Variants in CD33 observed in about 807,000 individuals in gnomAD.
CD33 encodes myeloid cell surface antigen CD33.
Under a neutral mutation model 31.4 loss-of-function variants are expected in CD33, and 25 were observed. The ratio of observed to expected loss-of-function variants is 0.80; its 90% CI spans 0.58 to 1.11. The LOEUF is 1.11. CD33 is among the 50% of genes most tolerant of loss of function. The probability of loss-of-function intolerance (pLI) is 0.00; values close to 1 mark genes in which losing one functional copy is unlikely to be tolerated. For synonymous variants in CD33, 176 were observed against 180.6 expected (o/e 0.97, Z 0.20); for missense variants, 407 against 448.1 (o/e 0.91, Z 0.83).
the CD33 span, among the ~76,000 whole-genome samples, chr19:51,217,148 C>A: frequency 6.6e-6 from 1 of 152,106 alleles, no homozygotes. Flanking sequence ...CAGGCCTGAG[C>A]GGGTCAAGGC....
intron 4 of CD33, 75 bp from the exon 5 acceptor site, chr19:51,235,082 C>A (rs1981679614): frequency 4.8e-6 from 6 of 1,250,542 alleles, no homozygotes. Context: ...TCACCCCTCT[C>A]TACATGCTGG....
At chr19:51,226,552 G>A (rs1255659046) in intron 4 of CD33, among the ~76,000 whole-genome samples, 196 bp downstream of exon 4, 1 of 152,112 alleles carries the variant, frequency 6.6e-6, no homozygotes, top group Non-Finnish European at 1.5e-5. Flanking sequence ...AATGCTCTTT[G>A]TCTCCCTCCT....
the CD33 span, among the ~76,000 whole-genome samples, chr19:51,218,982 G>C: frequency 6.6e-6 from 1 of 152,032 alleles, no homozygotes; most frequent in Non-Finnish European, 1.5e-5. Flanking sequence ...TGTTCTTTTT[G>C]CTTAGGACTG....
At chr19:51,236,686 A>G (rs1981828199) in intron 6 of CD33, 1 of 151,918 alleles carries the variant, frequency 6.6e-6, no homozygotes, top group African/African-American at 2.4e-5. Context: ...CGCTGATGGC[A>G]CTCTTGTCCC....
At chr19:51,212,127 G>A in the CD33 span, 4 of 550,944 alleles carry the variant, frequency 7.3e-6, no homozygotes, top group Admixed American at 2.5e-5. Context: ...GGAGGACCAG[G>A]AGAGAGGAGG....
rs778326883 is a variant in CD33, at chr19:51,235,142, CTT to C, written c.746-10_746-9del. On this transcript the variant is annotated splice_polypyrimidine_tract_variant and intron_variant, in intron 4 of 6. Coordinates refer to ENST00000262262, the MANE Select transcript of CD33 (RefSeq NM_001772.4). ...ATCTAGATTAGAATTCACCCCAAAT[CTT>C]TTTTGTCTGCAGGGAAACAAGAGAC... 1 of 1,608,228 alleles carries C rather than the reference CTT, an allele frequency of 6.2e-7. No homozygotes were observed. The highest frequency in any genetic ancestry group is 8.5e-7 in the Non-Finnish European group (1 of 1,174,700).
Position 51,225,371 on chromosome 19 carries a change from G to A in CD33, c.191G>A (p.Gly64Glu). 1 of 1,614,198 alleles carries A rather than the reference G, an allele frequency of 6.2e-7. No homozygotes were observed. The highest frequency in any genetic ancestry group is 8.5e-7 in the Non-Finnish European group (1 of 1,180,032). Residue 64 changes from glycine to glutamate, a missense_variant, in exon 2 of 7, where the codon GGA becomes GAA. Transcript: ENST00000262262. ...GTTCATGGTTACTGGTTCCGGGAAG[G>A]AGCCATTATATCCAGGGACTCTCCA... ...SPVHGYWFRE[G>E]AIISRDSPVA...
the CD33 span, chr19:51,211,116 T>G: frequency 1.3e-6 from 2 of 1,589,036 alleles, no homozygotes; most frequent in Non-Finnish European, 1.7e-6. Context: ...GACATGCCAC[T>G]GCTGCTACTG....
At position 51,239,923 on chromosome 19, in the gene CD33, T is replaced by G; in HGVS notation, c.*235T>G. ...GTCACACAAGCTCCTTAACCTTCCA[T>G]GTCTCCATTTTCTTCTCTGTGAAGT... is the stretch of plus-strand genomic sequence containing the variant. On this transcript the variant is annotated 3_prime_UTR_variant, in exon 7 of 7. Coordinates refer to ENST00000262262, the MANE Select transcript of CD33 (RefSeq NM_001772.4). 1 of 356,708 alleles carries G rather than the reference T, an allele frequency of 2.8e-6. No individual in the cohort carries two copies. The highest frequency in any genetic ancestry group is 5.0e-6 in the Non-Finnish European group (1 of 199,294). 22.1% of individuals were successfully genotyped at this position (356,708 alleles called of 1,614,324 possible).
At chr19:51,231,189 G>A (rs557670409) in intron 4 of CD33, among the ~76,000 whole-genome samples, 5 of 152,200 alleles carry the variant, frequency 3.3e-5, no homozygotes, top group Non-Finnish European at 7.3e-5. Context: ...AAGTCCTCAC[G>A]TTCTCACTTG....
In CD33 at chr19:51,235,660, C is replaced by G. The variant is rs141835096; in HGVS notation, c.908C>G (p.Thr303Arg). 51 of 1,613,680 alleles carry G rather than the reference C, an allele frequency of 3.2e-5. No homozygotes were observed. In the African/African-American group the frequency reaches 6.1e-4, roughly 19 times the overall value. Reference protein sequence around the residue: ...AVGRNDTHPTTGSASPKHQKK... With the variant: ...AVGRNDTHPTRGSASPKHQKK... ...GGCAGGAATGACACCCACCCTACCA[C>G]AGGGTCAGCCTCCCCGGTGAGTGAT... The change falls in exon 6 of 7, where the codon ACA becomes AGA. Residue 303 changes from threonine (T) to arginine (R), a missense_variant. By Grantham distance (71) the Thr-to-Arg change is moderately conservative (BLOSUM62 -1). Coordinates refer to ENST00000262262, the MANE Select transcript of CD33 (RefSeq NM_001772.4).
upstream of CD33, among the ~76,000 whole-genome samples, chr19:51,224,036 A>G (rs1338164785): frequency 6.6e-6 from 1 of 152,202 alleles, no homozygotes; most frequent in African/African-American, 2.4e-5. Flanking sequence ...GAGGAAAGAA[A>G]CACGAATGGT....
the CD33 span, among the ~76,000 whole-genome samples, chr19:51,213,733 C>T: frequency 6.6e-6 from 1 of 151,728 alleles, no homozygotes; most frequent in African/African-American, 2.4e-5. Flanking sequence ...ATAGGGTTTC[C>T]CCATGTTGGC....
At chr19:51,236,019 G>A (rs1468397923) in intron 6 of CD33, 2 of 572,368 alleles carry the variant, frequency 3.5e-6, no homozygotes, top group African/African-American at 1.9e-5. Context: ...TTAGCCAGAT[G>A]TGGTGGCTGG....
the CD33 span, chr19:51,211,712 C>A: frequency 2.4e-6 from 2 of 824,978 alleles, no homozygotes; most frequent in African/African-American, 1.7e-5. Flanking sequence ...CAGGGGAGGA[C>A]CCGGACCAGA....
chr19:51,222,447 C>T (rs1980728239), upstream of CD33, among the ~76,000 whole-genome samples: 1 of 152,102 alleles, frequency 6.6e-6, no homozygotes, highest in African/African-American at 2.4e-5. Flanking sequence ...ACCTGAATAC[C>T]TGTAGGGAGA....
At chr19:51,228,602 T>C (rs1981192880) in intron 4 of CD33, among the ~76,000 whole-genome samples, 1 of 152,286 alleles carries the variant, frequency 6.6e-6, no homozygotes, top group South Asian at 2.1e-4. Flanking sequence ...TATATTGATT[T>C]TGCATCCTGC....
At chr19:51,236,049 T>C in intron 6 of CD33, 2 of 543,736 alleles carry the variant, frequency 3.7e-6, no homozygotes, top group South Asian at 3.9e-5. Flanking sequence ...TCCCAGCTAC[T>C]TGGGAGGCTG....
At chr19:51,213,085 G>A in the CD33 span, among the ~76,000 whole-genome samples, 1 of 152,166 alleles carries the variant, frequency 6.6e-6, no homozygotes, top group Non-Finnish European at 1.5e-5. Context: ...TTAATCTTGT[G>A]AAATATGGCA....
Sources: gnomAD v4.1 joint callset for allele counts (sites outside exome capture counted in the v4.1 genomes callset) on GRCh38, gnomAD v4.1.1 for gene constraint, MANE v1.5 for transcripts, NCBI Gene and HGNC (gene_info 2026-07-23, HGNC 2026-07-21) for gene names.